The following DNAH11 variants were observed in gnomAD, a reference collection of about 807,000 sequenced individuals.
The protein encoded by DNAH11 is dynein axonemal heavy chain 11.
Under a neutral mutation model 526.0 loss-of-function variants are expected in DNAH11, and 442 were observed. The ratio of observed to expected loss-of-function variants is 0.84; its 90% CI spans 0.78 to 0.91. DNAH11 has a LOEUF of 0.91. Among genes scored for constraint, DNAH11 ranks in the 40% least tolerant of loss-of-function variants. The probability of loss-of-function intolerance (pLI) is 0.00; values close to 1 mark genes in which losing one functional copy is unlikely to be tolerated. For synonymous variants in DNAH11, 2,461 were observed against 1,935.9 expected, an observed-to-expected ratio of 1.27 and a Z score of -7.12; for missense variants, 6,989 against 5,448.7, an observed-to-expected ratio of 1.28 and a Z score of -8.90.
intron 25 of DNAH11, among the ~76,000 whole-genome samples, chr7:21,632,165 G>A (rs1186411225): frequency 6.6e-6 from 1 of 152,154 alleles, no homozygotes; most frequent in East Asian, 1.9e-4. Flanking sequence ...GGAGTGGCTG[G>A]GATGCAGGGC....
intron 5 of DNAH11, 127 bp from the exon 6 acceptor site, chr7:21,564,054 TATAAA>T: frequency 1.6e-6 from 1 of 613,150 alleles, no homozygotes; most frequent in Non-Finnish European, 2.7e-6. Flanking sequence ...GGATAAGTAA[TATAAA>T]AGGAACTATG....
Position 21,606,688 on chromosome 7 carries a change from C to G in DNAH11, c.3807C>G (p.Ala1269=), listed in dbSNP as rs1403467638. The G allele has an allele frequency of 6.2e-7, 1 of 1,609,378 alleles. No homozygotes were observed. Among genetic ancestry groups the G allele is most frequent in the Non-Finnish European group, 8.5e-7 (1 of 1,178,820 alleles). The part of the protein sequence containing the change: ...AEFRERFRHY[A]PLGFNAENPY... The stretch of plus-strand genomic sequence containing the variant: ...TCAGAGAGAGATTCAGACACTATGC[C>G]CCTCTTGGATTTAATGCAGAAAATC... Residue 1269 remains alanine, a synonymous_variant, in exon 20 of 82, where the codon GCC becomes GCG. Coordinates refer to ENST00000409508, the MANE Select transcript of DNAH11 (RefSeq NM_001277115.2).
At chr7:21,722,667 T>C (rs766699609) in intron 44 of DNAH11, among the ~76,000 whole-genome samples, 4 of 152,174 alleles carry the variant, frequency 2.6e-5, no homozygotes, top group African/African-American at 4.8e-5. Context: ...AAGTGCTTTC[T>C]AAAGATTAGC....
chr7:21,612,068 C>T (rs1274833119), intron 20 of DNAH11, among the ~76,000 whole-genome samples: 2 of 151,964 alleles, frequency 1.3e-5, no homozygotes, highest in Non-Finnish European at 2.9e-5. Flanking sequence ...ACAGAAACAG[C>T]AGATATTCAA....
In DNAH11 at chr7:21,725,873, T is replaced by G; in HGVS notation, c.7329T>G (p.Phe2443Leu). 1 of 1,610,808 alleles carries G rather than the reference T, an allele frequency of 6.2e-7. No homozygotes were observed. The highest frequency in any genetic ancestry group is 1.7e-4 in the Middle Eastern group (1 of 6,060). ...WWQKEMKAVK[F>L]PSQGTIFDYY... The stretch of plus-strand genomic sequence containing the variant: ...AGAAAGAGATGAAAGCAGTGAAATT[T>G]CCGTCGCAGGGAACAATCTTTGATT... Residue 2443 changes from phenylalanine to leucine, a missense_variant, in exon 45 of 82, where the codon TTT (phenylalanine) becomes TTG (leucine). Phe to Leu is a conservative substitution (Grantham distance 22, BLOSUM62 0). Transcript: ENST00000409508.
In DNAH11 at chr7:21,570,186, A is replaced by T; in HGVS notation, c.1312A>T (p.Arg438Ter). 2 of 1,613,488 alleles carry T rather than the reference A, an allele frequency of 1.2e-6. No homozygotes were observed. The highest frequency in any genetic ancestry group is 2.2e-5 in the South Asian group (2 of 91,054). Reference protein sequence around the residue: ...KTFKNSFFNYRKKLASYFMGR... With the variant: ...KTFKNSFFNY ...TTTCAAAAACTCCTTTTTCAACTAT[A>T]GAAAAAAATTGGCAAGCTACTTTAT... The change falls in exon 7 of 82, where the codon AGA becomes TGA. Residue 438 changes from arginine (R) to a stop codon, truncating the protein, a stop_gained. Coordinates refer to ENST00000409508, the MANE Select transcript of DNAH11 (RefSeq NM_001277115.2). LOFTEE classifies it high-confidence loss of function.
At chr7:21,786,121 C>T (rs1024883988) in intron 58 of DNAH11, among the ~76,000 whole-genome samples, 3 of 152,122 alleles carry the variant, frequency 2.0e-5, no homozygotes, top group African/African-American at 7.2e-5. Context: ...TATCTTGGCC[C>T]TCTCCTAGTT....
intron 38 of DNAH11, among the ~76,000 whole-genome samples, chr7:21,705,068 T>C (rs1784213177): frequency 6.6e-6 from 1 of 152,244 alleles, no homozygotes; most frequent in Non-Finnish European, 1.5e-5. Flanking sequence ...TCAATTTGAA[T>C]TCAGTGAATG....
At chr7:21,854,520 G>A (rs988337276) in intron 68 of DNAH11, 65 bp downstream of exon 68, 1 of 1,454,914 alleles carries the variant, frequency 6.9e-7, no homozygotes, top group Non-Finnish European at 9.4e-7. Flanking sequence ...TGGAACATTG[G>A]AATTTATTTT....
rs759202030 is a variant in DNAH11, at chr7:21,707,677, G to C, written c.6547-22G>C. Reference sequence around the variant, plus strand: ...GCTTATGTTAGTATTAATTTTTTTGGCTCTTTCCTCCTTCCCCTCAGATTT... The same window carrying C: ...GCTTATGTTAGTATTAATTTTTTTGCCTCTTTCCTCCTTCCCCTCAGATTT... On this transcript the variant is annotated intron_variant, in intron 39 of 81. Coordinates refer to ENST00000409508, the MANE Select transcript of DNAH11 (RefSeq NM_001277115.2). 5 of 1,592,422 alleles carry C rather than the reference G, an allele frequency of 3.1e-6. No individual in the cohort carries two copies. In the South Asian group the frequency reaches 5.8e-5, roughly 18 times the overall value.
intron 56 of DNAH11, 37 bp from the exon 57 acceptor site, chr7:21,778,921 A>G: frequency 6.2e-7 from 1 of 1,601,360 alleles, no homozygotes; most frequent in South Asian, 1.1e-5. Context: ...TGTTGTGAAC[A>G]AGGCCAGTGA....
chr7:21,843,534 G>A (rs902112663), intron 66 of DNAH11, among the ~76,000 whole-genome samples: 4 of 148,592 alleles, frequency 2.7e-5, no homozygotes, highest in African/African-American at 5.0e-5. Context: ...AGGCTGGAGT[G>A]CAGTGGCATG....
At chr7:21,566,427 C>CT (rs1304227034) in intron 6 of DNAH11, among the ~76,000 whole-genome samples, 1 of 152,134 alleles carries the variant, frequency 6.6e-6, no homozygotes, top group Admixed American at 6.6e-5. Context: ...ATAGCTGGTT[C>CT]CCTGAAGCAC....
intron 31 of DNAH11, among the ~76,000 whole-genome samples, chr7:21,682,637 A>G (rs1783192392): frequency 2.0e-5 from 3 of 152,266 alleles, no homozygotes; most frequent in East Asian, 1.9e-4. Flanking sequence ...CCTATTTACA[A>G]AAGTCAGGAG....
chr7:21,599,075 A>G (rs184621655), intron 14 of DNAH11, among the ~76,000 whole-genome samples: 1 of 152,196 alleles, frequency 6.6e-6, no homozygotes, highest in East Asian at 1.9e-4. Flanking sequence ...TAATAGAATG[A>G]TTTATATCCC....
At chr7:21,875,064 A>G (rs1783653341) in intron 74 of DNAH11, among the ~76,000 whole-genome samples, 1 of 152,214 alleles carries the variant, frequency 6.6e-6, no homozygotes, top group South Asian at 2.1e-4. Flanking sequence ...AGTGTTGAAG[A>G]ATGCAGTTAA....
intron 8 of DNAH11, among the ~76,000 whole-genome samples, chr7:21,576,667 C>T (rs537675401): frequency 3.8e-4 from 58 of 152,260 alleles, no homozygotes; most frequent in African/African-American, 1.4e-3. Flanking sequence ...ATATCAGTGT[C>T]AATGCTGTAT....
At chr7:21,814,140 A>G (rs1789661502) in intron 63 of DNAH11, among the ~76,000 whole-genome samples, 1 of 152,202 alleles carries the variant, frequency 6.6e-6, no homozygotes, top group Non-Finnish European at 1.5e-5. Context: ...ATCCAAATAT[A>G]GAAAAGATAT....
chr7:21,830,924 A>G (rs1180572059), intron 65 of DNAH11, among the ~76,000 whole-genome samples: 2 of 152,210 alleles, frequency 1.3e-5, no homozygotes, highest in East Asian at 1.9e-4. Flanking sequence ...GCAGCTTCTC[A>G]TCTCCAAACC....
Sources: allele counts gnomAD v4.1 joint callset (sites outside exome capture counted in the v4.1 genomes callset), GRCh38; gene constraint gnomAD v4.1.1; transcripts MANE v1.5; gene names NCBI Gene and HGNC (gene_info 2026-07-23, HGNC 2026-07-21).